RASA1: variants seen among roughly 807,000 people sequenced by gnomAD.
The protein encoded by RASA1 is ras GTPase-activating protein 1.
RASA1 carries 25 observed loss-of-function variants against 132.2 expected under a neutral mutation model. The observed-to-expected ratio is 0.19, with a 90% CI of 0.14 to 0.26. The LOEUF (loss-of-function observed/expected upper bound fraction) is 0.26, where lower values mean the gene tolerates loss of function less well. Ranked by LOEUF, RASA1 falls within the 10% of genes least tolerant of loss-of-function variation. RASA1 has a pLI of 1.00. For missense variants in RASA1, 964 were observed against 1,299.2 expected, an observed-to-expected ratio of 0.74 and a Z score of 3.97; for synonymous variants, 477 against 449.9, an observed-to-expected ratio of 1.06 and a Z score of -0.76.
intron 13 of RASA1, among the ~76,000 whole-genome samples, chr5:87,372,416 T>C (rs1761015630): frequency 1.3e-5 from 2 of 152,150 alleles, no homozygotes; most frequent in Non-Finnish European, 2.9e-5. Context: ...TCTTCCACTT[T>C]AAATAACAAC....
At position 87,268,536 on chromosome 5, in the gene RASA1, G is replaced by A. The variant is rs777487947; in HGVS notation, c.85G>A (p.Ala29Thr). The change falls in exon 1 of 25, where the codon GCC becomes ACC. Residue 29 changes from alanine to threonine, a missense_variant. Coordinates refer to ENST00000274376, the MANE Select transcript of RASA1 (RefSeq NM_002890.3). ...GGGGAAAGSS[A>T]YPAVCRVKIP... is the part of the protein sequence containing the mutation. ...AGGCGGCGCGGCAGCGGGCTCCAGTGCCTATCCCGCAGTGTGTCGGGTGAA... is the reference window on the plus strand; with the variant it reads ...AGGCGGCGCGGCAGCGGGCTCCAGTACCTATCCCGCAGTGTGTCGGGTGAA... 1 of 1,596,186 alleles carries A rather than the reference G, an allele frequency of 6.3e-7. No individual in the cohort carries two copies. Among genetic ancestry groups the A allele is most frequent in the Non-Finnish European group, 8.5e-7 (1 of 1,172,780 alleles).
intron 20 of RASA1, among the ~76,000 whole-genome samples, chr5:87,381,409 G>A (rs1761706524): frequency 6.6e-6 from 1 of 152,122 alleles, no homozygotes; most frequent in Non-Finnish European, 1.5e-5. Context: ...ATGCGAAAGC[G>A]TCATGGAATA....
Position 87,389,684 on chromosome 5 carries a change from G to A in RASA1, c.3060+157G>A, listed in dbSNP as rs372279325. Reference sequence around the variant, plus strand: ...AAAGATCTCAGCAGACAGAAATAACGGGCCCCGACTAAAATGATGTACATT... The same window carrying A: ...AAAGATCTCAGCAGACAGAAATAACAGGCCCCGACTAAAATGATGTACATT... On this transcript the variant is annotated intron_variant, in intron 24 of 24. Transcript: ENST00000274376. Among the ~76,000 whole-genome samples the A allele has an allele frequency of 5.5e-4, 83 of 152,216 alleles. 1 individual carries two copies. Among genetic ancestry groups the A allele is most frequent in the African/African-American group, 1.9e-3 (77 of 41,524 alleles).
At chr5:87,365,409 ATCCAGGTAC>A (rs1042219223) in intron 11 of RASA1, among the ~76,000 whole-genome samples, 4 of 152,136 alleles carry the variant, frequency 2.6e-5, no homozygotes, top group African/African-American at 9.6e-5. Flanking sequence ...TTGTTCAATC[ATCCAGGTAC>A]TCTGAATATT....
chr5:87,374,934 C>T lies in RASA1; in HGVS notation c.2011+18C>T. On this transcript the variant is annotated intron_variant, in intron 15 of 24. Transcript: ENST00000274376. ...TGATATCTGTAAGTTGATACAGAAA[C>T]TTTCTAAAATAGAAAAAGCATGTTT... The T allele has an allele frequency of 6.3e-7, 1 of 1,596,562 alleles. No individual in the cohort carries two copies.
At chr5:87,287,293 T>TAC (rs201259232) in intron 1 of RASA1, among the ~76,000 whole-genome samples, 12 of 145,774 alleles carry the variant, frequency 8.2e-5, no homozygotes, top group Admixed American at 1.4e-4. Flanking sequence ...ACCATATATA[T>TAC]ACACCATATA....
chr5:87,362,588 A>G lies in RASA1; in HGVS notation c.1370A>G (p.Lys457Arg). 1 of 1,597,082 alleles carries G rather than the reference A, an allele frequency of 6.3e-7. No individual in the cohort carries two copies. The highest frequency in any genetic ancestry group is 8.6e-7 in the Non-Finnish European group (1 of 1,164,628). ...EQVLNDTVDGKEIYNTIRRKT... is the reference protein window; with the variant it reads ...EQVLNDTVDGREIYNTIRRKT... ...GTACTCAATGACACAGTGGATGGCA[A>G]GGAAATCTATAATACCATCCGTCGT... Residue 457 changes from lysine to arginine, a missense_variant, in exon 10 of 25, where the codon AAG (lysine) becomes AGG (arginine). Lys to Arg is a conservative substitution (Grantham distance 26). Transcript: ENST00000274376.
At chr5:87,366,083 T>C (rs1760491196) in intron 11 of RASA1, among the ~76,000 whole-genome samples, 1 of 152,184 alleles carries the variant, frequency 6.6e-6, no homozygotes, top group African/African-American at 2.4e-5. Flanking sequence ...AGAAAAACTT[T>C]TGGTGAATGA....
chr5:87,324,672 T>C (rs550252693), intron 1 of RASA1, among the ~76,000 whole-genome samples: 3 of 152,284 alleles, frequency 2.0e-5, no homozygotes, highest in Admixed American at 1.3e-4. Flanking sequence ...CACATACATA[T>C]GCACTCTAGT....
intron 1 of RASA1, among the ~76,000 whole-genome samples, chr5:87,292,149 T>A (rs899184783): frequency 1.3e-5 from 2 of 152,224 alleles, no homozygotes; most frequent in Admixed American, 6.5e-5. Context: ...AGTTGCTTTT[T>A]GCAGAGCAGA....
In RASA1 at chr5:87,323,084, A is replaced by G. The variant is rs1377824571; in HGVS notation, c.540-8264A>G. On this transcript the variant is annotated intron_variant, in intron 1 of 24. Transcript: ENST00000274376. ...TTTGGGGATTGCTCTCATAGAGGTTATAATTTGAGCTGATGGATAACTGAT... is the reference window on the plus strand; with the variant it reads ...TTTGGGGATTGCTCTCATAGAGGTTGTAATTTGAGCTGATGGATAACTGAT... Among the ~76,000 whole-genome samples, 13 of 152,334 alleles carry G rather than the reference A, an allele frequency of 8.5e-5. No homozygotes were observed. The East Asian group carries it at 2.5e-3, about 29-fold the overall frequency.
chr5:87,340,979 TTTCTTAATGTAGGGCAC>T, intron 5 of RASA1, among the ~76,000 whole-genome samples: 2 of 152,142 alleles, frequency 1.3e-5, no homozygotes, highest in Admixed American at 1.3e-4. Context: ...TTGTTTGGTT[TTTCTTAATGTAGGGCAC>T]AGCTGCTGTT....
At chr5:87,308,322 C>T (rs566710709) in intron 1 of RASA1, among the ~76,000 whole-genome samples, 2 of 152,020 alleles carry the variant, frequency 1.3e-5, no homozygotes, top group African/African-American at 2.4e-5. Flanking sequence ...CTGAATGGCA[C>T]CTTCTTTAGG....
At chr5:87,339,410 C>T (rs754674782) in intron 5 of RASA1, among the ~76,000 whole-genome samples, 5 of 152,096 alleles carry the variant, frequency 3.3e-5, no homozygotes, top group Non-Finnish European at 7.4e-5. Context: ...AAACAGTATT[C>T]GTACTGAAGC....
In RASA1 at chr5:87,363,379, T is replaced by C; in HGVS notation, c.1485T>C (p.Phe495=). Residue 495 remains phenylalanine (F), a synonymous_variant, in exon 11 of 25, where the codon TTT becomes TTC. Transcript: ENST00000274376. ...GAAAACGTTGGAAAAATTTATATTTTATCTTAGAGGGTAGTGATGCCCAAC... is the reference window on the plus strand; with the variant it reads ...GAAAACGTTGGAAAAATTTATATTTCATCTTAGAGGGTAGTGATGCCCAAC... The part of the protein sequence containing the change: ...GKGKRWKNLY[F]ILEGSDAQLI... 1 of 1,610,962 alleles carries C rather than the reference T, an allele frequency of 6.2e-7. No homozygotes were observed.
intron 9 of RASA1, among the ~76,000 whole-genome samples, chr5:87,360,697 T>G (rs2136299): frequency 0.032 from 4,856 of 152,252 alleles, 161 homozygotes; most frequent in African/African-American, 0.074. Context: ...AACAGGATAA[T>G]AGAAGTAATA....
chr5:87,308,013 G>T (rs1755700506), intron 1 of RASA1, among the ~76,000 whole-genome samples: 1 of 152,082 alleles, frequency 6.6e-6, no homozygotes, highest in Non-Finnish European at 1.5e-5. Context: ...TCTTTCCTTA[G>T]CTTCTTATCT....
At chr5:87,305,414 G>C (rs920274472) in intron 1 of RASA1, among the ~76,000 whole-genome samples, 5 of 152,104 alleles carry the variant, frequency 3.3e-5, no homozygotes, top group Admixed American at 3.3e-4. Flanking sequence ...CTATTAAATG[G>C]TGCTGGGATA....
chr5:87,383,918 A>C (rs2112509551), intron 21 of RASA1, 138 bp downstream of exon 21: 1 of 758,580 alleles, frequency 1.3e-6, no homozygotes, highest in South Asian at 1.9e-5. Flanking sequence ...ATTCCAAAGC[A>C]CCCTTCCTTC....
Sources: allele counts gnomAD v4.1 joint callset (sites outside exome capture counted in the v4.1 genomes callset), GRCh38; gene constraint gnomAD v4.1.1; transcripts MANE v1.5; gene names NCBI Gene and HGNC (gene_info 2026-07-23, HGNC 2026-07-21).